Variants in PAG1 observed in about 807,000 individuals in gnomAD.
The protein encoded by PAG1 is phosphoprotein associated with glycosphingolipid-enriched microdomains 1.
In PAG1, 23 loss-of-function variants were observed where a neutral mutation model predicts 31.7. That is an observed-to-expected ratio of 0.73 (90% confidence interval 0.52 to 1.03). The LOEUF (loss-of-function observed/expected upper bound fraction) is 1.03, where lower values mean the gene tolerates loss of function less well. Among genes scored for constraint, PAG1 ranks in the 50% least tolerant of loss-of-function variants. The pLI is 0.00. For missense variants in PAG1, 473 were observed against 540.7 expected, an observed-to-expected ratio of 0.87 and a Z score of 1.24; for synonymous variants, 214 against 210.3, an observed-to-expected ratio of 1.02 and a Z score of -0.15.
At chr8:81,045,614 G>A (rs1808628936) in intron 2 of PAG1, among the ~76,000 whole-genome samples, 1 of 152,134 alleles carries the variant, frequency 6.6e-6, no homozygotes, top group African/African-American at 2.4e-5. Context: ...ATTGATTGTG[G>A]TGATGGTTAC....
chr8:81,034,625 C>A (rs1368200641), intron 2 of PAG1, among the ~76,000 whole-genome samples: 1 of 152,186 alleles, frequency 6.6e-6, no homozygotes, highest in Non-Finnish European at 1.5e-5. Flanking sequence ...TAAATTTGAG[C>A]TAGGAGTAAG....
intron 2 of PAG1, among the ~76,000 whole-genome samples, chr8:81,037,643 A>G (rs1156357846): frequency 6.6e-6 from 1 of 152,260 alleles, no homozygotes. Context: ...TAGTGAATAG[A>G]AGACATATAA....
intron 8 of PAG1, 90 bp from the exon 9 acceptor site, chr8:80,976,996 G>A (rs1458753141): frequency 1.6e-6 from 2 of 1,221,186 alleles, no homozygotes; most frequent in African/African-American, 3.0e-5. Flanking sequence ...AGCACTCCTG[G>A]GTTTCTGTGT....
chr8:81,084,222 A>C (rs919151705), intron 1 of PAG1, among the ~76,000 whole-genome samples: 5 of 152,144 alleles, frequency 3.3e-5, no homozygotes, highest in Non-Finnish European at 7.3e-5. Flanking sequence ...AGTTGTACTT[A>C]GTGGGAAGAA....
intron 3 of PAG1, among the ~76,000 whole-genome samples, chr8:81,007,467 C>CAA (rs10563214): frequency 7.8e-6 from 1 of 128,546 alleles, no homozygotes; most frequent in African/African-American, 3.0e-5. Context: ...TACAAAAATA[C>CAA]AAAAAAAAAA....
intron 2 of PAG1, among the ~76,000 whole-genome samples, chr8:81,041,113 A>C (rs1808547089): frequency 6.6e-6 from 1 of 152,208 alleles, no homozygotes; most frequent in African/African-American, 2.4e-5. Flanking sequence ...AGAAAGAAGG[A>C]GAAACAAAAA....
chr8:81,055,075 C>CTTTTTTTTT (rs773535023), intron 2 of PAG1, among the ~76,000 whole-genome samples: 2 of 138,926 alleles, frequency 1.4e-5, no homozygotes, highest in African/African-American at 5.4e-5. Context: ...CTTTTTTTTT[C>CTTTTTTTTT]TTTTTTTTTT....
At chr8:81,095,326 C>T (rs185891025) in intron 1 of PAG1, among the ~76,000 whole-genome samples, 198 of 152,258 alleles carry the variant, frequency 1.3e-3, no homozygotes, top group African/African-American at 4.6e-3. Flanking sequence ...CCCAGCATTG[C>T]TGTCTTGGAT....
At chr8:81,092,834 T>C (rs541048784) in intron 1 of PAG1, among the ~76,000 whole-genome samples, 7 of 152,232 alleles carry the variant, frequency 4.6e-5, no homozygotes, top group Non-Finnish European at 1.0e-4. Context: ...TTTCTTGTGG[T>C]AGTGAGCTTT....
chr8:81,074,553 G>C (rs540027859), intron 1 of PAG1, among the ~76,000 whole-genome samples: 1 of 152,234 alleles, frequency 6.6e-6, no homozygotes, highest in South Asian at 2.1e-4. Flanking sequence ...AAATGGTTGA[G>C]GAGAGAGTGG....
chr8:81,015,072 T>A (rs1273694081), intron 3 of PAG1, among the ~76,000 whole-genome samples: 1 of 152,242 alleles, frequency 6.6e-6, no homozygotes, highest in Non-Finnish European at 1.5e-5. Context: ...TGATGTTCTA[T>A]TTATTTCAAA....
Position 81,045,985 on chromosome 8 carries a change from T to C in PAG1, c.-174-15896A>G, listed in dbSNP as rs182960468. On this transcript the variant is annotated intron_variant, in intron 2 of 8. Coordinates refer to ENST00000220597, the MANE Select transcript of PAG1 (RefSeq NM_018440.4). ...TAACAGCATAACTCGACCTCACAAC[T>C]TTCCTTTTGTCTTACATTATCCTGA... is the stretch of plus-strand genomic sequence containing the variant. Among the ~76,000 whole-genome samples, 470 of 152,338 alleles carry C rather than the reference T, an allele frequency of 3.1e-3. 1 individual carries two copies. The highest frequency in any genetic ancestry group is 5.8e-3 in the Non-Finnish European group (393 of 68,038).
intron 3 of PAG1, among the ~76,000 whole-genome samples, chr8:81,027,293 C>T (rs977061426): frequency 6.6e-6 from 1 of 152,194 alleles, no homozygotes; most frequent in Non-Finnish European, 1.5e-5. Flanking sequence ...TGAGCCACCA[C>T]AGCTGGCCAA....
intron 3 of PAG1, among the ~76,000 whole-genome samples, chr8:81,016,904 C>A (rs561343657): frequency 6.6e-6 from 1 of 152,298 alleles, no homozygotes; most frequent in South Asian, 2.1e-4. Context: ...TCCAACAAAT[C>A]TAGGTTGACC....
chr8:81,111,871 C>G lies in PAG1; in HGVS notation c.-514G>C, dbSNP rs1363071972. ...CTGCCTCCAGCCCCGGAGCGCGGCGCTCCGAGCCCCTGGTGGGTGTCTCTG... is the reference window on the plus strand; with the variant it reads ...CTGCCTCCAGCCCCGGAGCGCGGCGGTCCGAGCCCCTGGTGGGTGTCTCTG... On this transcript the variant is annotated 5_prime_UTR_variant, in exon 1 of 9. Transcript: ENST00000220597. 1 of 152,260 alleles carries G rather than the reference C, an allele frequency of 6.6e-6. No homozygotes were observed. Among genetic ancestry groups the G allele is most frequent in the African/African-American group, 2.4e-5 (1 of 41,458 alleles). 9.4% of individuals were successfully genotyped at this position (152,260 alleles called of 1,614,324 possible).
At chr8:81,082,659 C>T (rs1809288383) in intron 1 of PAG1, among the ~76,000 whole-genome samples, 1 of 152,122 alleles carries the variant, frequency 6.6e-6, no homozygotes, top group Non-Finnish European at 1.5e-5. Context: ...CTGATTCTTT[C>T]CCCTGTCCCC....
At chr8:81,052,088 C>T (rs1808742348) in intron 2 of PAG1, among the ~76,000 whole-genome samples, 1 of 151,068 alleles carries the variant, frequency 6.6e-6, no homozygotes, top group Non-Finnish European at 1.5e-5. Flanking sequence ...CGATATCATG[C>T]CACTGCACTC....
intron 1 of PAG1, among the ~76,000 whole-genome samples, chr8:81,079,290 G>A (rs569229196): frequency 2.6e-5 from 4 of 152,100 alleles, no homozygotes; most frequent in Non-Finnish European, 2.9e-5. Flanking sequence ...CACCACTCAC[G>A]CAAACAAGGC....
At position 80,975,687 on chromosome 8, in the gene PAG1, G is replaced by A. The variant is rs1807164399; in HGVS notation, c.*857C>T. 1 of 152,132 alleles carries A rather than the reference G, an allele frequency of 6.6e-6. No individual in the cohort carries two copies. The highest frequency in any genetic ancestry group is 1.5e-5 in the Non-Finnish European group (1 of 68,022). 9.4% of individuals were successfully genotyped at this position (152,132 alleles called of 1,614,324 possible). ...AAAGATTAAGGCTCTCTGTTTTGAA[G>A]GAATGAGTTCTGGGCTTAAACAAGT... On this transcript the variant is annotated 3_prime_UTR_variant, in exon 9 of 9. Transcript: ENST00000220597.
Sources: gnomAD v4.1 joint callset for allele counts (sites outside exome capture counted in the v4.1 genomes callset) on GRCh38, gnomAD v4.1.1 for gene constraint, MANE v1.5 for transcripts, NCBI Gene and HGNC (gene_info 2026-07-23, HGNC 2026-07-21) for gene names.